Variants in ARID1B observed in about 807,000 individuals in gnomAD.
ARID1B encodes AT-rich interaction domain 1B.
A neutral mutation model predicts 212.3 loss-of-function variants in ARID1B; 30 were observed. The observed-to-expected ratio is 0.14, with a 90% CI of 0.11 to 0.19. The LOEUF (loss-of-function observed/expected upper bound fraction) is 0.19. ARID1B is among the 10% of genes least tolerant of loss of function. The pLI, the probability that ARID1B is intolerant of heterozygous loss-of-function variation, is 1.00. For synonymous variants in ARID1B, 1,402 were observed against 1,301.7 expected (o/e 1.08, Z -1.66); for missense variants, 2,891 against 3,204.0 (o/e 0.90, Z 2.36).
intron 4 of ARID1B, among the ~76,000 whole-genome samples, chr6:157,039,703 TTC>T: frequency 6.6e-5 from 9 of 137,074 alleles, no homozygotes; most frequent in Non-Finnish European, 7.9e-5. Context: ...CCTTCTTTCT[TTC>T]CTTTCTTTCC....
intron 4 of ARID1B, among the ~76,000 whole-genome samples, chr6:157,046,344 T>C (rs11968765): frequency 6.6e-6 from 1 of 152,192 alleles, no homozygotes; most frequent in Non-Finnish European, 1.5e-5. Context: ...GAGGAGTTAC[T>C]TGAGAGCTGT....
At chr6:156,913,969 G>A (rs985097010) in intron 3 of ARID1B, among the ~76,000 whole-genome samples, 5 of 142,976 alleles carry the variant, frequency 3.5e-5, no homozygotes, top group African/African-American at 1.1e-4. Context: ...AGCCCATGGT[G>A]CCCCCATTCT....
At chr6:156,812,992 G>A (rs62435785) in intron 1 of ARID1B, among the ~76,000 whole-genome samples, 13,464 of 135,478 alleles carry the variant, frequency 0.099, 864 homozygotes, top group Middle Eastern at 0.15. Context: ...ATATACATAC[G>A]TATGTATATA....
At chr6:156,849,593 G>GTCTTTGCATGTTTTTCTGTCT (rs1784448915) in intron 2 of ARID1B, among the ~76,000 whole-genome samples, 1 of 152,180 alleles carries the variant, frequency 6.6e-6, no homozygotes, top group South Asian at 2.1e-4. Flanking sequence ...AATCGTTACA[G>GTCTTTGCATGTTTTTCTGTCT]TCTTTGCATG....
intron 4 of ARID1B, among the ~76,000 whole-genome samples, chr6:156,962,513 A>C (rs765034283): frequency 2.6e-5 from 4 of 152,190 alleles, no homozygotes; most frequent in Non-Finnish European, 1.5e-5. Flanking sequence ...TGTGCCACCC[A>C]GGCTGGAGTG....
chr6:157,189,506 G>A (rs1204220538), intron 13 of ARID1B, 136 bp from the exon 14 acceptor site: 1 of 1,066,120 alleles, frequency 9.4e-7, no homozygotes, highest in African/African-American at 1.7e-5. Flanking sequence ...TATCAGCAAT[G>A]GCTATTGTTA....
In ARID1B at chr6:157,181,124, C is replaced by T. The variant is rs2128317550; in HGVS notation, c.3660C>T (p.Pro1220=). 6.2e-7 allele frequency: 1 copy of T among 1,614,178 alleles called. No homozygotes were observed. The highest frequency in any genetic ancestry group is 2.2e-5 in the East Asian group (1 of 44,886). The change falls in exon 12 of 20, where the codon CCC becomes CCT. Residue 1220 remains proline (P), a synonymous_variant. Coordinates refer to ENST00000636930, the MANE Select transcript of ARID1B (RefSeq NM_001374828.1). ...GTCTGCCTGCCGTGGGCAAGAAGCC[C>T]CTGGACCTGTTCCGACTCTACGTCT... The part of the protein sequence containing the change: ...VSSLPAVGKK[P]LDLFRLYVCV...
chr6:156,959,027 T>C (rs894972164), intron 4 of ARID1B, among the ~76,000 whole-genome samples: 2 of 152,234 alleles, frequency 1.3e-5, no homozygotes, highest in Admixed American at 6.5e-5. Flanking sequence ...TATCATACTT[T>C]GGTTAATAAG....
At chr6:156,822,011 T>A (rs1562411614) in intron 1 of ARID1B, among the ~76,000 whole-genome samples, 1 of 145,438 alleles carries the variant, frequency 6.9e-6, no homozygotes, top group Non-Finnish European at 1.5e-5. Context: ...GTCTAATATC[T>A]TTTTTTTTTT....
At position 156,778,084 on chromosome 6, in the gene ARID1B, C is replaced by G. The variant is rs537376978; in HGVS notation, c.404C>G (p.Ser135Trp). 1.9e-6 allele frequency: 3 copies of G among 1,540,036 alleles called. No homozygotes were observed. Among genetic ancestry groups the G allele is most frequent in the South Asian group, 1.2e-5 (1 of 83,982 alleles). ...AAAAAASSSS[S>W]SGPGSAMETG... is the part of the protein sequence containing the mutation. ...GCAGCGGCGGCATCCTCTTCCTCCT[C>G]GTCGGGCCCGGGCTCGGCCATGGAG... Residue 135 changes from serine to tryptophan, a missense_variant, in exon 1 of 20, where the codon TCG becomes TGG. This residue lies in a region of ARID1B where 1,643 missense variants were observed against 1,544.0 expected (regional missense o/e 1.06). Coordinates refer to ENST00000636930, the MANE Select transcript of ARID1B (RefSeq NM_001374828.1).
intron 9 of ARID1B, 62 bp downstream of exon 9, chr6:157,167,247 C>T (rs2128291716): frequency 1.9e-6 from 3 of 1,543,648 alleles, no homozygotes; most frequent in Non-Finnish European, 2.6e-6. Flanking sequence ...TCTTAGGCTC[C>T]ACCAGTGAAT....
intron 4 of ARID1B, among the ~76,000 whole-genome samples, chr6:156,946,731 T>A (rs1267298743): frequency 6.6e-6 from 1 of 152,120 alleles, no homozygotes; most frequent in Non-Finnish European, 1.5e-5. Flanking sequence ...TAGATGCTTT[T>A]GAGGTTTTTA....
chr6:156,872,480 C>T (rs1005164133), intron 2 of ARID1B, among the ~76,000 whole-genome samples: 1 of 152,088 alleles, frequency 6.6e-6, no homozygotes, highest in Non-Finnish European at 1.5e-5. Flanking sequence ...CACCACCACG[C>T]CCAGTTAATT....
intron 3 of ARID1B, among the ~76,000 whole-genome samples, chr6:156,912,350 C>T (rs1400206147): frequency 4.0e-5 from 6 of 151,198 alleles, no homozygotes; most frequent in Non-Finnish European, 5.9e-5. Context: ...TCATTATACT[C>T]GCCCTCACGC....
chr6:156,864,994 A>G (rs1736915434), intron 2 of ARID1B, among the ~76,000 whole-genome samples: 1 of 152,174 alleles, frequency 6.6e-6, no homozygotes, highest in African/African-American at 2.4e-5. Context: ...TCAATCGGTT[A>G]TAACTGTCTG....
In ARID1B at chr6:157,200,794, G is replaced by A. The variant is rs2128372628; in HGVS notation, c.4569G>A (p.Gln1523=). The A allele has an allele frequency of 1.2e-6, 2 of 1,614,164 alleles. No homozygotes were observed. The highest frequency in any genetic ancestry group is 1.7e-6 in the Non-Finnish European group (2 of 1,180,026). ...ACAACATGCAGTACAGCAGCCAGCA[G>A]CAGGAGATGTACAACCAGTATGGAG... ...DMYNMQYSSQ[Q]QEMYNQYGGS... Residue 1523 remains glutamine, a synonymous_variant, in exon 18 of 20, where the codon CAG becomes CAA. Transcript: ENST00000636930. The surrounding 1 kb of genome is among the most constrained non-coding windows in gnomAD (Gnocchi z 4.3).
intron 4 of ARID1B, among the ~76,000 whole-genome samples, chr6:157,028,625 G>T (rs1033828532): frequency 3.3e-5 from 5 of 152,184 alleles, no homozygotes; most frequent in Non-Finnish European, 7.4e-5. Context: ...TGGAAATGAT[G>T]AACTTTGATA....
Position 156,869,710 on chromosome 6 carries a change from G to A in ARID1B, c.1987-31666G>A, listed in dbSNP as rs187386856. Reference sequence around the variant, plus strand: ...ATGTCAGAAAATATGTGAAGAGATGGATTTGTCTAGAGTGAGCTATAAAGT... The same window carrying A: ...ATGTCAGAAAATATGTGAAGAGATGAATTTGTCTAGAGTGAGCTATAAAGT... On this transcript the variant is annotated intron_variant, in intron 2 of 19. Transcript: ENST00000636930. 3.5e-3 allele frequency among the ~76,000 whole-genome samples: 530 copies of A among 152,258 alleles called. 3 individuals carry two copies. Among genetic ancestry groups the A allele is most frequent in the Middle Eastern group, 6.8e-3 (2 of 294 alleles).
At chr6:156,797,157 TG>T (rs1287681025) in intron 1 of ARID1B, among the ~76,000 whole-genome samples, 1 of 152,146 alleles carries the variant, frequency 6.6e-6, no homozygotes, top group East Asian at 1.9e-4. Context: ...GCCTGCTGTG[TG>T]GCAGAGTGTT....
Sources: gnomAD v4.1 joint callset for allele counts (sites outside exome capture counted in the v4.1 genomes callset) on GRCh38, gnomAD v4.1.1 for gene constraint, gnomAD v4.1.1 regional missense constraint, Gnocchi (gnomAD v3.1) non-coding constraint, MANE v1.5 for transcripts, NCBI Gene and HGNC (gene_info 2026-07-23, HGNC 2026-07-21) for gene names.